The following P3H2 variants were observed in gnomAD, a reference collection of about 807,000 sequenced individuals.
P3H2 encodes the protein prolyl 3-hydroxylase 2, also known as leprecan-like 1.
A neutral mutation model predicts 87.0 loss-of-function variants in P3H2; 80 were observed. That is an observed-to-expected ratio of 0.92 (90% CI 0.77 to 1.11). The LOEUF (loss-of-function observed/expected upper bound fraction) is 1.11. Ranked by LOEUF, P3H2 falls within the 50% of genes least tolerant of loss-of-function variation. P3H2 has a pLI of 0.00. For synonymous variants in P3H2, 367 were observed against 359.3 expected, an observed-to-expected ratio of 1.02 and a Z score of -0.24; for missense variants, 1,001 against 923.9, an observed-to-expected ratio of 1.08 and a Z score of -1.08.
chr3:190,041,093 A>C (rs6776101), intron 1 of P3H2, among the ~76,000 whole-genome samples: 24,235 of 51,580 alleles, frequency 0.47, 6,053 homozygotes, highest in East Asian at 0.75. Flanking sequence ...CTCTCTCTCT[A>C]TATATATATA....
chr3:190,017,581 T>C (rs1724806392), intron 1 of P3H2, among the ~76,000 whole-genome samples: 1 of 152,200 alleles, frequency 6.6e-6, no homozygotes, highest in Non-Finnish European at 1.5e-5. Flanking sequence ...TGGATTTCTC[T>C]TCAGCACATT....
intron 13 of P3H2, chr3:189,969,038 A>C: frequency 3.7e-6 from 1 of 273,284 alleles, no homozygotes. Flanking sequence ...TTTAAAACAG[A>C]AAACTGGGCT....
intron 1 of P3H2, among the ~76,000 whole-genome samples, chr3:190,036,954 A>ATG (rs1725444036): frequency 1.3e-5 from 2 of 151,426 alleles, no homozygotes; most frequent in Non-Finnish European, 2.9e-5. Context: ...AAATATATAT[A>ATG]TATATTTACT....
chr3:190,059,182 C>T (rs1000826661), intron 1 of P3H2, among the ~76,000 whole-genome samples: 1 of 152,102 alleles, frequency 6.6e-6, no homozygotes, highest in African/African-American at 2.4e-5. Context: ...GAGGATTCTC[C>T]TACTTCCCCC....
chr3:190,106,324 C>T (rs1383010021), intron 1 of P3H2, among the ~76,000 whole-genome samples: 2 of 152,126 alleles, frequency 1.3e-5, no homozygotes, highest in African/African-American at 2.4e-5. Flanking sequence ...GGTGGAGAGG[C>T]AGGTAAGTCT....
intron 3 of P3H2, among the ~76,000 whole-genome samples, chr3:189,991,671 T>C: frequency 6.6e-6 from 1 of 152,170 alleles, no homozygotes; most frequent in Admixed American, 6.5e-5. Flanking sequence ...GCATGGCATA[T>C]TTAAGGAATC....
At chr3:190,068,595 A>G (rs543533769) in intron 1 of P3H2, among the ~76,000 whole-genome samples, 1 of 152,350 alleles carries the variant, frequency 6.6e-6, no homozygotes, top group South Asian at 2.1e-4. Flanking sequence ...AAATACATAG[A>G]GTAAATCTAT....
chr3:189,987,674 A>C lies in P3H2; in HGVS notation c.956-5T>G. The C allele has an allele frequency of 6.2e-7, 1 of 1,613,958 alleles. No homozygotes were observed. The highest frequency in any genetic ancestry group is 1.1e-5 in the South Asian group (1 of 91,072). ...GGGCTTTCACATACTCACCAACTGA[A>C]AGACAAAGGAGTTGCAGCATTAGAG... is the stretch of plus-strand genomic sequence containing the variant. On this transcript the variant is annotated splice_polypyrimidine_tract_variant and splice_region_variant and intron_variant, in intron 4 of 14. Transcript: ENST00000319332.
At chr3:190,099,972 G>A (rs1416357764) in intron 1 of P3H2, among the ~76,000 whole-genome samples, 1 of 152,164 alleles carries the variant, frequency 6.6e-6, no homozygotes, top group East Asian at 1.9e-4. Flanking sequence ...GGTGGCTCAT[G>A]CCTGTAATCC....
Position 190,087,074 on chromosome 3 carries a change from G to A in P3H2, c.480+33178C>T, listed in dbSNP as rs181063658. The stretch of plus-strand genomic sequence containing the variant: ...ATTTTCTCCACTTTGAAAATCCAGC[G>A]AACTCCTATTCATCTCCCTAGACTA... On this transcript the variant is annotated intron_variant, in intron 1 of 14. Coordinates refer to ENST00000319332, the MANE Select transcript of P3H2 (RefSeq NM_018192.4). 2.5e-3 allele frequency among the ~76,000 whole-genome samples: 377 copies of A among 152,152 alleles called. 4 individuals carry two copies. The highest frequency in any genetic ancestry group is 8.4e-3 in the African/African-American group (348 of 41,494).
intron 1 of P3H2, among the ~76,000 whole-genome samples, chr3:190,119,807 G>T (rs1206765660): frequency 6.6e-6 from 1 of 151,936 alleles, no homozygotes; most frequent in Non-Finnish European, 1.5e-5. Flanking sequence ...AAACTTCAGA[G>T]AAAAGGTGCA....
At chr3:190,036,478 T>C (rs1200643885) in intron 1 of P3H2, among the ~76,000 whole-genome samples, 1 of 29,428 alleles carries the variant, frequency 3.4e-5, no homozygotes, top group African/African-American at 1.5e-4. Flanking sequence ...TATCACTTTA[T>C]AGTCGACATG....
intron 1 of P3H2, among the ~76,000 whole-genome samples, chr3:190,013,425 T>C (rs552025554): frequency 7.5e-4 from 114 of 152,280 alleles, no homozygotes; most frequent in Non-Finnish European, 1.1e-3. Flanking sequence ...AATAAACCAA[T>C]GACAGTTGAA....
At chr3:190,063,185 C>T (rs1726387218) in intron 1 of P3H2, among the ~76,000 whole-genome samples, 1 of 152,114 alleles carries the variant, frequency 6.6e-6, no homozygotes, top group South Asian at 2.1e-4. Flanking sequence ...GGGGTGTACA[C>T]AACTACTGGT....
intron 4 of P3H2, 175 bp from the exon 5 acceptor site, chr3:189,987,844 T>G (rs1723754782): frequency 2.8e-6 from 2 of 711,524 alleles, no homozygotes; most frequent in African/African-American, 1.8e-5. Context: ...AAGACATGAT[T>G]TCAAGTATTC....
chr3:190,048,753 A>G (rs1725884192), intron 1 of P3H2, among the ~76,000 whole-genome samples: 1 of 152,216 alleles, frequency 6.6e-6, no homozygotes, highest in Non-Finnish European at 1.5e-5. Context: ...TACATATCCC[A>G]GAAGCAATGT....
At chr3:190,059,413 C>G in intron 1 of P3H2, among the ~76,000 whole-genome samples, 1 of 152,050 alleles carries the variant, frequency 6.6e-6, no homozygotes, top group East Asian at 1.9e-4. Context: ...TCATACAACA[C>G]TGGAGGATGG....
At chr3:190,018,873 G>T (rs754272990) in intron 1 of P3H2, among the ~76,000 whole-genome samples, 1 of 152,078 alleles carries the variant, frequency 6.6e-6, no homozygotes, top group Non-Finnish European at 1.5e-5. Flanking sequence ...CACTCTTTCA[G>T]GTCAGAACAA....
intron 3 of P3H2, among the ~76,000 whole-genome samples, chr3:189,990,426 C>T (rs980703083): frequency 6.6e-6 from 1 of 152,118 alleles, no homozygotes. Context: ...AATACACATT[C>T]CTTTTAATTC....
Sources: gnomAD v4.1 joint callset for allele counts (sites outside exome capture counted in the v4.1 genomes callset) on GRCh38, gnomAD v4.1.1 for gene constraint, MANE v1.5 for transcripts, NCBI Gene and HGNC (gene_info 2026-07-23, HGNC 2026-07-21) for gene names.